The following PTPN20 variants were observed in gnomAD, a reference collection of about 807,000 sequenced individuals.
The protein encoded by PTPN20 is protein tyrosine phosphatase non-receptor type 20.
Under a neutral mutation model 35.0 loss-of-function variants are expected in PTPN20, and 9 were observed. The observed-to-expected ratio is 0.26, with a 90% CI of 0.15 to 0.45. The LOEUF is 0.45. Ranked by LOEUF, PTPN20 falls within the 20% of genes least tolerant of loss-of-function variation. The pLI, the probability that PTPN20 is intolerant of heterozygous loss-of-function variation, is 1.00. For synonymous variants in PTPN20, 32 were observed against 100.2 expected (o/e 0.32, Z 4.06); for missense variants, 111 against 312.5 (o/e 0.36, Z 4.86).
In PTPN20 at chr10:46,976,053, C is replaced by T. The variant is rs1288365406; in HGVS notation, c.583+8006C>T. ...CAAACTCCTGAGCTCAAGCAATCCT[C>T]CCACCTCAGCTTCCCAAGTAGTTGG... On this transcript the variant is annotated intron_variant, in intron 7 of 10. Transcript: ENST00000374339. Among the ~76,000 whole-genome samples, 3 of 146,892 alleles carry T rather than the reference C, an allele frequency of 2.0e-5. No homozygotes were observed. The Admixed American group carries it at 2.1e-4, about 10-fold the overall frequency.
Position 47,000,993 on chromosome 10 carries a change from A to G in PTPN20, c.*252A>G. The G allele has an allele frequency of 1.8e-6, 1 of 556,368 alleles. No homozygotes were observed. The highest frequency in any genetic ancestry group is 2.2e-5 in the South Asian group (1 of 46,502). 34.5% of individuals were successfully genotyped at this position (556,368 alleles called of 1,614,324 possible). ...CATTTTCCAGTGAAACAGATGTTAC[A>G]TAAAACGATTGCAGCTTGGCTATTT... On this transcript the variant is annotated 3_prime_UTR_variant, in exon 11 of 11. Transcript: ENST00000374339.
At position 47,000,631 on chromosome 10, in the gene PTPN20, T is replaced by C. The variant is rs929794581; in HGVS notation, c.1198-45T>C. ...TGTTTTCTGAAAGTGGATTCTGTTA[T>C]TCAATTACTTAACATTCTGTTGTTT... On this transcript the variant is annotated intron_variant, in intron 10 of 10. Coordinates refer to ENST00000374339, the MANE Select transcript of PTPN20 (RefSeq NM_001042357.5). The C allele has an allele frequency of 1.6e-5, 26 of 1,604,456 alleles. No individual in the cohort carries two copies. The East Asian group carries it at 2.5e-4, about 15-fold the overall frequency.
chr10:46,911,452 G>C lies in PTPN20; in HGVS notation c.-173G>C, dbSNP rs1275422687. The stretch of plus-strand genomic sequence containing the variant: ...CAGGCTAGGCGTGGACCCAACTGGC[G>C]AGGCTGCTGGGGTTGCAGCGGGACA... On this transcript the variant is annotated 5_prime_UTR_variant, in exon 1 of 11. Transcript: ENST00000374339. 2 of 306,384 alleles carry C rather than the reference G, an allele frequency of 6.5e-6. No individual in the cohort carries two copies. The highest frequency in any genetic ancestry group is 1.3e-5 in the Non-Finnish European group (2 of 157,948). 19.0% of individuals were successfully genotyped at this position (306,384 alleles called of 1,614,324 possible). A position where few individuals can be genotyped will look rare whatever the true frequency, so the allele number is the denominator to read the frequency against.
chr10:46,947,236 T>TATA, intron 5 of PTPN20, among the ~76,000 whole-genome samples: 1 of 126,058 alleles, frequency 7.9e-6, no homozygotes, highest in African/African-American at 2.8e-5. Context: ...ATATATATAT[T>TATA]TATAAAATTT....
At chr10:46,933,291 GT>G (rs2040355723) in intron 2 of PTPN20, among the ~76,000 whole-genome samples, 1 of 149,948 alleles carries the variant, frequency 6.7e-6, no homozygotes, top group Non-Finnish European at 1.5e-5. Context: ...CCACCTCACA[GT>G]TACCATTTTC....
intron 9 of PTPN20, among the ~76,000 whole-genome samples, chr10:46,995,922 C>T (rs2137782545): frequency 6.6e-6 from 1 of 152,146 alleles, no homozygotes; most frequent in African/African-American, 2.4e-5. Flanking sequence ...ACTGTCTTCT[C>T]CTCGTATTTG....
intron 1 of PTPN20, among the ~76,000 whole-genome samples, chr10:46,926,279 T>C (rs1382896171): frequency 1.6e-4 from 24 of 151,964 alleles, no homozygotes; most frequent in African/African-American, 5.8e-4. Flanking sequence ...GAATTCCTCT[T>C]TTCATGATAG....
chr10:46,945,502 G>A (rs1405348403), intron 4 of PTPN20, among the ~76,000 whole-genome samples: 2 of 152,234 alleles, frequency 1.3e-5, no homozygotes, highest in Non-Finnish European at 2.9e-5. Context: ...GAAATCAGTG[G>A]AGATGGTGAT....
At chr10:46,932,765 A>ATT (rs1240915254) in intron 2 of PTPN20, among the ~76,000 whole-genome samples, 1 of 144,882 alleles carries the variant, frequency 6.9e-6, no homozygotes, top group African/African-American at 2.6e-5. Context: ...TTCAAATGGC[A>ATT]TTTTTTTTTC....
intron 5 of PTPN20, among the ~76,000 whole-genome samples, chr10:46,964,734 CA>C (rs1395147790): frequency 1.0e-5 from 1 of 98,178 alleles, no homozygotes; most frequent in Non-Finnish European, 2.0e-5. Context: ...TCTCAATCCA[CA>C]GCATTCGTTA....
chr10:46,939,006 T>G (rs1171007611), intron 2 of PTPN20, among the ~76,000 whole-genome samples: 4 of 152,160 alleles, frequency 2.6e-5, no homozygotes, highest in Non-Finnish European at 5.9e-5. Context: ...TCGCCTTCTA[T>G]GAGTTGCTTG....
intron 7 of PTPN20, among the ~76,000 whole-genome samples, chr10:46,982,751 C>T (rs2055810810): frequency 6.6e-6 from 1 of 151,658 alleles, no homozygotes; most frequent in Non-Finnish European, 1.5e-5. Flanking sequence ...ATAACTACTG[C>T]TAACATTGTG....
chr10:46,932,028 T>C (rs555905932), intron 1 of PTPN20, among the ~76,000 whole-genome samples: 4 of 148,226 alleles, frequency 2.7e-5, no homozygotes, highest in Admixed American at 6.6e-5. Context: ...GGCGTTTAAA[T>C]AACTGAGTTT....
chr10:46,934,732 A>C (rs1214980543), intron 2 of PTPN20, among the ~76,000 whole-genome samples: 1 of 105,050 alleles, frequency 9.5e-6, no homozygotes, highest in Non-Finnish European at 1.8e-5. Flanking sequence ...ACTTTTTGCC[A>C]TGACTATAAG....
chr10:46,929,194 C>A (rs2038733773), intron 1 of PTPN20, among the ~76,000 whole-genome samples: 1 of 96,982 alleles, frequency 1.0e-5, no homozygotes, highest in Admixed American at 1.2e-4. Context: ...AGGTGTTTTG[C>A]TTTTGTTTCC....
chr10:46,944,702 G>A (rs1407467970), intron 4 of PTPN20, among the ~76,000 whole-genome samples: 1 of 138,708 alleles, frequency 7.2e-6, no homozygotes, highest in Non-Finnish European at 1.5e-5. Flanking sequence ...ATTTTCAGAA[G>A]TGCATTAAAC....
intron 5 of PTPN20, among the ~76,000 whole-genome samples, chr10:46,947,015 C>T (rs1281663092): frequency 1.3e-5 from 2 of 149,738 alleles, no homozygotes; most frequent in African/African-American, 5.0e-5. Flanking sequence ...ACAATATATG[C>T]TTTGTAAGTA....
At chr10:46,966,218 C>A (rs1452075583) in intron 6 of PTPN20, among the ~76,000 whole-genome samples, 4 of 151,046 alleles carry the variant, frequency 2.6e-5, no homozygotes, top group Non-Finnish European at 4.4e-5. Context: ...CGCGCCTGGC[C>A]GATTACTAAC....
At chr10:46,967,176 C>CA (rs2135734286) in intron 6 of PTPN20, among the ~76,000 whole-genome samples, 1 of 141,962 alleles carries the variant, frequency 7.0e-6, no homozygotes, top group East Asian at 2.2e-4. Flanking sequence ...CTCTTTCCTT[C>CA]TAAGTACACA....
Sources: gnomAD v4.1 joint callset for allele counts (sites outside exome capture counted in the v4.1 genomes callset) on GRCh38, gnomAD v4.1.1 for gene constraint, MANE v1.5 for transcripts, NCBI Gene and HGNC (gene_info 2026-07-23, HGNC 2026-07-21) for gene names.